Variants in PLAAT3 observed in about 807,000 individuals in gnomAD.
The protein encoded by PLAAT3 is phospholipase A and acyltransferase 3, also known as Ca-independent phospholipase A1/2.
In PLAAT3, 21 loss-of-function variants were observed where a neutral mutation model predicts 16.7. The ratio of observed to expected loss-of-function variants is 1.26; its 90% CI spans 0.89 to 1.81. The LOEUF is 1.81. Ranked by LOEUF, PLAAT3 falls within the 40% of genes most tolerant of loss-of-function variation. PLAAT3 has a pLI of 0.00. For missense variants in PLAAT3, 219 were observed against 213.7 expected (o/e 1.02, Z -0.16); for synonymous variants, 76 against 81.7 (o/e 0.93, Z 0.38).
At chr11:63,607,559 A>T (rs1002454228) in intron 2 of PLAAT3, among the ~76,000 whole-genome samples, 1 of 151,918 alleles carries the variant, frequency 6.6e-6, no homozygotes, top group Non-Finnish European at 1.5e-5. Flanking sequence ...GATGAACTGG[A>T]GGTGATGTCA....
chr11:63,597,165 C>G (rs899719075), intron 3 of PLAAT3, among the ~76,000 whole-genome samples: 3 of 152,046 alleles, frequency 2.0e-5, no homozygotes, highest in Non-Finnish European at 4.4e-5. Flanking sequence ...TTCCCCTTCA[C>G]CTTCTGCCAT....
chr11:63,574,753 C>A lies in PLAAT3; in HGVS notation c.*192G>T. 1.7e-6 allele frequency: 1 copy of A among 583,606 alleles called. No homozygotes were observed. Among genetic ancestry groups the A allele is most frequent in the Non-Finnish European group, 3.1e-6 (1 of 326,198 alleles). The allele number at this position is 583,606 out of a possible 1,614,324, so 36.2% of individuals were successfully genotyped here. A position where few individuals can be genotyped will look rare whatever the true frequency, so the allele number is the denominator to read the frequency against. On this transcript the variant is annotated 3_prime_UTR_variant, in exon 5 of 5. Transcript: ENST00000415826. ...GAAGACAGCCCGGCTGTTCCCTGAA[C>A]AGACTTCACACCAGGCAGTTCTTGC... is the stretch of plus-strand genomic sequence containing the variant.
At position 63,584,302 on chromosome 11, in the gene PLAAT3, T is replaced by C. The variant is rs554041034; in HGVS notation, c.387+5798A>G. Among the ~76,000 whole-genome samples the C allele has an allele frequency of 9.9e-5, 15 of 151,788 alleles. No homozygotes were observed. The South Asian group carries it at 2.7e-3, about 27-fold the overall frequency. ...AGCTTCTGGTTGCTTTTTTTTTTTT[T>C]TTAAGTACTGTTCAGTATGAAAGTT... is the stretch of plus-strand genomic sequence containing the variant. On this transcript the variant is annotated intron_variant, in intron 4 of 4. Coordinates refer to ENST00000415826, the MANE Select transcript of PLAAT3 (RefSeq NM_001128203.2).
intron 4 of PLAAT3, among the ~76,000 whole-genome samples, chr11:63,575,913 A>C (rs1376093112): frequency 2.6e-5 from 4 of 152,116 alleles, no homozygotes; most frequent in Non-Finnish European, 4.4e-5. Flanking sequence ...CTCCTCCCTG[A>C]CCCCCAAAAG....
upstream of PLAAT3, among the ~76,000 whole-genome samples, chr11:63,614,870 C>G (rs1208388882): frequency 6.6e-6 from 1 of 150,562 alleles, no homozygotes; most frequent in Non-Finnish European, 1.5e-5. Flanking sequence ...AAAAAATTAG[C>G]CGGGCGTGGA....
intron 3 of PLAAT3, among the ~76,000 whole-genome samples, chr11:63,595,726 T>C (rs1938271923): frequency 1.3e-5 from 2 of 152,178 alleles, no homozygotes; most frequent in Admixed American, 1.3e-4. Context: ...GACTGTATAC[T>C]TTACTATGCT....
At chr11:63,595,402 A>G (rs756590587) in intron 3 of PLAAT3, among the ~76,000 whole-genome samples, 10 of 152,158 alleles carry the variant, frequency 6.6e-5, no homozygotes, top group South Asian at 2.1e-4. Flanking sequence ...GCATATTCAT[A>G]TAACAGAAAA....
chr11:63,592,841 A>C (rs1186107671), intron 3 of PLAAT3, among the ~76,000 whole-genome samples: 2 of 152,242 alleles, frequency 1.3e-5, no homozygotes, highest in Non-Finnish European at 2.9e-5. Context: ...CAAGTTTATA[A>C]GCTTCCTTCC....
intron 4 of PLAAT3, among the ~76,000 whole-genome samples, chr11:63,580,681 T>G (rs970396026): frequency 6.6e-6 from 1 of 151,880 alleles, no homozygotes; most frequent in Non-Finnish European, 1.5e-5. Flanking sequence ...AAAGAGGAAA[T>G]TATCCTAGAT....
chr11:63,608,715 A>C (rs1300316827), intron 2 of PLAAT3: 4 of 152,114 alleles, frequency 2.6e-5, no homozygotes, highest in Non-Finnish European at 4.4e-5. Context: ...TCAGGACTAC[A>C]AAAAATACAG....
chr11:63,595,738 G>C (rs1243442699), intron 3 of PLAAT3, among the ~76,000 whole-genome samples: 2 of 152,144 alleles, frequency 1.3e-5, no homozygotes, highest in Non-Finnish European at 2.9e-5. Context: ...TACTATGCTT[G>C]TACATTTTAC....
rs560944323 is a variant in PLAAT3 at position 63,577,297 on chromosome 11, G to A, written c.388-2251C>T. Among the ~76,000 whole-genome samples, 4 of 151,896 alleles carry A rather than the reference G, an allele frequency of 2.6e-5. No homozygotes were observed. In the East Asian group the frequency reaches 5.8e-4, roughly 22 times the overall value. The stretch of plus-strand genomic sequence containing the variant: ...AGTGGTTCTCTTGCCTCAGCCTCCC[G>A]AGTAGCTGGGATTACAGGCACCCGC... On this transcript the variant is annotated intron_variant, in intron 4 of 4. Coordinates refer to ENST00000415826, the MANE Select transcript of PLAAT3 (RefSeq NM_001128203.2).
At chr11:63,613,655 GC>G (rs1347181159) in intron 2 of PLAAT3, among the ~76,000 whole-genome samples, 22 of 127,434 alleles carry the variant, frequency 1.7e-4, no homozygotes, top group Middle Eastern at 3.7e-3. Flanking sequence ...AGCTGACATA[GC>G]CCCCAAGGCC....
intron 2 of PLAAT3, among the ~76,000 whole-genome samples, chr11:63,609,412 T>C (rs1314237517): frequency 6.6e-6 from 1 of 152,242 alleles, no homozygotes; most frequent in Admixed American, 6.5e-5. Context: ...TGAGCCCCTC[T>C]GTACTCTATT....
At chr11:63,579,158 C>T (rs1458506123) in intron 4 of PLAAT3, among the ~76,000 whole-genome samples, 1 of 152,176 alleles carries the variant, frequency 6.6e-6, no homozygotes, top group Non-Finnish European at 1.5e-5. Flanking sequence ...AAATGCAAAT[C>T]AAAACCACAA....
rs1280834744 is a variant in PLAAT3, at chr11:63,590,307, C to G, written c.180G>C (p.Val60=). 6.2e-7 allele frequency: 1 copy of G among 1,614,158 alleles called. No homozygotes were observed. Among genetic ancestry groups the G allele is most frequent in the East Asian group, 2.2e-5 (1 of 44,892 alleles). ...CCACATCATACAGCAATTCCTTCTTCACGATGGCCTTGTCAGTCAGGGCGG... is the reference window on the plus strand; with the variant it reads ...CCACATCATACAGCAATTCCTTCTTGACGATGGCCTTGTCAGTCAGGGCGG... ...VMSALTDKAI[V]KKELLYDVAG... is the part of the protein sequence containing the mutation. The change falls in exon 4 of 5, where the codon GTG becomes GTC. Residue 60 remains valine, a synonymous_variant. Coordinates refer to ENST00000415826, the MANE Select transcript of PLAAT3 (RefSeq NM_001128203.2).
chr11:63,613,937 C>A, intron 2 of PLAAT3, 63 bp downstream of exon 2: 1 of 1,034,472 alleles, frequency 9.7e-7, no homozygotes, highest in South Asian at 1.3e-5. Flanking sequence ...GGCTCCGAGA[C>A]AACGAGTCCC....
chr11:63,597,433 G>A (rs113848876), intron 3 of PLAAT3, among the ~76,000 whole-genome samples: 7,444 of 152,250 alleles, frequency 0.049, 637 homozygotes, highest in African/African-American at 0.17. Flanking sequence ...GGCTGAGGCA[G>A]GAGAATGGCG....
intron 2 of PLAAT3, among the ~76,000 whole-genome samples, chr11:63,601,117 C>T (rs546953592): frequency 1.4e-5 from 2 of 146,444 alleles, no homozygotes; most frequent in Non-Finnish European, 3.0e-5. Context: ...TACAGTGGCA[C>T]GATCTCGGCT....
Sources: gnomAD v4.1 joint callset for allele counts (sites outside exome capture counted in the v4.1 genomes callset) on GRCh38, gnomAD v4.1.1 for gene constraint, MANE v1.5 for transcripts, NCBI Gene and HGNC (gene_info 2026-07-23, HGNC 2026-07-21) for gene names.